PRPF18: variants seen among roughly 807,000 people sequenced by gnomAD.
The protein encoded by PRPF18 is pre-mRNA-splicing factor 18.
PRPF18 carries 38 observed loss-of-function variants against 46.5 expected under a neutral mutation model. The observed-to-expected ratio is 0.82, with a 90% CI of 0.63 to 1.07. The LOEUF (loss-of-function observed/expected upper bound fraction) is 1.07, where lower values mean the gene tolerates loss of function less well. Ranked by LOEUF, PRPF18 falls within the 50% of genes least tolerant of loss-of-function variation. PRPF18 has a pLI of 0.00. For synonymous variants in PRPF18, 152 were observed against 146.7 expected (o/e 1.04, Z -0.26); for missense variants, 263 against 410.0 (o/e 0.64, Z 3.10).
chr10:13,587,196 GTA>G (rs756803382), intron 1 of PRPF18, 44 bp downstream of exon 1: 1 of 1,571,230 alleles, frequency 6.4e-7, no homozygotes, highest in South Asian at 1.1e-5. Flanking sequence ...AAGAGTGAGA[GTA>G]TGTGTGTCGG....
the PRPF18 span, among the ~76,000 whole-genome samples, chr10:13,650,492 C>G: frequency 6.6e-6 from 1 of 152,328 alleles, no homozygotes; most frequent in African/African-American, 2.4e-5. Context: ...TCTTTCAAAC[C>G]TGGTTAATTC....
At chr10:13,653,166 T>C in the PRPF18 span, 1 of 151,952 alleles carries the variant, frequency 6.6e-6, no homozygotes. Flanking sequence ...TTAGGACCCT[T>C]TCTTGCCAAA....
chr10:13,621,404 C>G (rs907650946), intron 9 of PRPF18, among the ~76,000 whole-genome samples: 1 of 152,036 alleles, frequency 6.6e-6, no homozygotes, highest in Non-Finnish European at 1.5e-5. Flanking sequence ...GGAGGGGCCC[C>G]TAGGGTGACT....
intron 9 of PRPF18, among the ~76,000 whole-genome samples, chr10:13,625,221 G>A (rs1190737895): frequency 6.6e-6 from 1 of 152,136 alleles, no homozygotes; most frequent in East Asian, 1.9e-4. Flanking sequence ...AGGAGGCTGA[G>A]GTAGGAGGAT....
intron 9 of PRPF18, 23 bp from the exon 10 acceptor site, chr10:13,630,237 C>T (rs2080576793): frequency 1.3e-6 from 2 of 1,570,048 alleles, no homozygotes; most frequent in Non-Finnish European, 1.8e-6. Context: ...CATAACCAAC[C>T]TTTGTTTTCC....
At chr10:13,644,370 T>C in the PRPF18 span, 1 of 152,248 alleles carries the variant, frequency 6.6e-6, no homozygotes, top group African/African-American at 2.4e-5. Context: ...ACACTGATCA[T>C]TAATCATGTC....
rs555010656 is a variant in PRPF18 at position 13,617,150 on chromosome 10, T to A, written c.948+597T>A. Among the ~76,000 whole-genome samples the A allele has an allele frequency of 2.0e-5, 3 of 152,340 alleles. No homozygotes were observed. In the South Asian group the frequency reaches 6.2e-4, roughly 32 times the overall value. On this transcript the variant is annotated intron_variant, in intron 9 of 9. Coordinates refer to ENST00000378572, the MANE Select transcript of PRPF18 (RefSeq NM_003675.4). ...CTAGTGGGAAGAAAATCGACTATAA[T>A]GTAGTGTTTGCCAGATTGTCATAAA...
downstream of PRPF18, among the ~76,000 whole-genome samples, chr10:13,635,576 G>C (rs1318986885): frequency 6.6e-6 from 1 of 151,976 alleles, no homozygotes; most frequent in Admixed American, 6.6e-5. Flanking sequence ...TTAATTTTTT[G>C]ATAATAGCCA....
At chr10:13,634,735 A>C (rs2080621210), downstream of PRPF18, among the ~76,000 whole-genome samples, 1 of 152,190 alleles carries the variant, frequency 6.6e-6, no homozygotes, top group Admixed American at 6.5e-5. Context: ...AAACAAAGTC[A>C]CTGGCCGTAC....
chr10:13,604,314 T>C lies in PRPF18; in HGVS notation c.250-1317T>C, dbSNP rs574495107. ...ATTGCTTTATTTAAAAAATTTGGAC[T>C]AGTATTTATTACGTTTTCTGTTTCT... is the stretch of plus-strand genomic sequence containing the variant. On this transcript the variant is annotated intron_variant, in intron 3 of 9. Transcript: ENST00000378572. Among the ~76,000 whole-genome samples the C allele has an allele frequency of 3.3e-5, 5 of 152,362 alleles. No individual in the cohort carries two copies. In the East Asian group the frequency reaches 9.6e-4, roughly 29 times the overall value.
the PRPF18 span, chr10:13,652,742 G>A: frequency 6.6e-6 from 1 of 152,204 alleles, no homozygotes; most frequent in Non-Finnish European, 1.5e-5. Flanking sequence ...GGATCGTTCA[G>A]TGGTTGTCAA....
intron 1 of PRPF18, among the ~76,000 whole-genome samples, chr10:13,590,441 CAAAAA>C (rs71721771): frequency 1.2e-4 from 16 of 134,964 alleles, no homozygotes; most frequent in African/African-American, 4.3e-4. Flanking sequence ...ACTGAAAATA[CAAAAA>C]AAAAAAATAT....
chr10:13,601,747 G>T (rs1019601544), intron 3 of PRPF18, among the ~76,000 whole-genome samples: 1 of 152,126 alleles, frequency 6.6e-6, no homozygotes, highest in African/African-American at 2.4e-5. Flanking sequence ...CTGAATGAGG[G>T]TAACAATTGG....
chr10:13,652,242 A>T, the PRPF18 span: 3 of 505,230 alleles, frequency 5.9e-6, no homozygotes, highest in East Asian at 6.9e-5. Flanking sequence ...TATGCCAAGA[A>T]CCAAAATTGC....
the PRPF18 span, chr10:13,643,140 G>C: frequency 6.6e-6 from 1 of 152,222 alleles, no homozygotes; most frequent in Admixed American, 6.6e-5. Context: ...ATGTGATTTA[G>C]AGAGTCAGTG....
chr10:13,654,291 G>T, the PRPF18 span: 8 of 735,590 alleles, frequency 1.1e-5, no homozygotes, highest in African/African-American at 1.4e-4. Context: ...CTCTTGAAAG[G>T]AAGACACCTC....
intron 3 of PRPF18, among the ~76,000 whole-genome samples, chr10:13,603,885 G>T (rs183685306): frequency 3.0e-4 from 45 of 152,324 alleles, no homozygotes; most frequent in African/African-American, 1.1e-3. Context: ...ATTTAGAATA[G>T]TGAGGCTGGA....
chr10:13,655,646 A>G, the PRPF18 span: 2 of 152,200 alleles, frequency 1.3e-5, no homozygotes, highest in African/African-American at 2.4e-5. Context: ...CCAGGCACCA[A>G]GAATCTCCTA....
At chr10:13,649,806 C>T in the PRPF18 span, among the ~76,000 whole-genome samples, 89 of 152,252 alleles carry the variant, frequency 5.8e-4, no homozygotes, top group Non-Finnish European at 1.0e-3. Context: ...CGAAAGAGAC[C>T]CTTAGGAAGC....
Sources: allele counts gnomAD v4.1 joint callset (sites outside exome capture counted in the v4.1 genomes callset), GRCh38; gene constraint gnomAD v4.1.1; transcripts MANE v1.5; gene names NCBI Gene and HGNC (gene_info 2026-07-23, HGNC 2026-07-21).